The following TENM3 variants were observed in gnomAD, a reference collection of about 807,000 sequenced individuals.
TENM3 encodes the protein teneurin transmembrane protein 3.
Under a neutral mutation model 255.1 loss-of-function variants are expected in TENM3, and 63 were observed. The ratio of observed to expected loss-of-function variants is 0.25; its 90% CI spans 0.20 to 0.30. The LOEUF (loss-of-function observed/expected upper bound fraction) is 0.30, where lower values mean the gene tolerates loss of function less well. TENM3 is among the 10% of genes least tolerant of loss of function. The pLI is 1.00. For synonymous variants in TENM3, 1,306 were observed against 1,322.3 expected (o/e 0.99, Z 0.27); for missense variants, 2,929 against 3,461.1 (o/e 0.85, Z 3.86).
chr4:181,581,390 G>A, the TENM3 span, among the ~76,000 whole-genome samples: 1 of 152,182 alleles, frequency 6.6e-6, no homozygotes. Flanking sequence ...GCAGTGAGCC[G>A]AGATAGTGCC....
chr4:182,444,811 C>G (rs748327960), intron 3 of TENM3, among the ~76,000 whole-genome samples: 45 of 151,982 alleles, frequency 3.0e-4, no homozygotes, highest in African/African-American at 1.0e-3. Context: ...TTTTTTGTTG[C>G]GATGGAGTTT....
chr4:181,801,677 T>TATATATAC, the TENM3 span, among the ~76,000 whole-genome samples: 1 of 73,328 alleles, frequency 1.4e-5, no homozygotes, highest in Non-Finnish European at 3.5e-5. Context: ...TATATATATA[T>TATATATAC]ATATATATAT....
intron 17 of TENM3, 136 bp from the exon 18 acceptor site, chr4:182,738,265 A>G (rs561675159): frequency 1.4e-6 from 1 of 693,366 alleles, no homozygotes; most frequent in African/African-American, 1.8e-5. Context: ...TAAATTAAAA[A>G]ATAAACTGCT....
At chr4:182,088,109 T>A in the TENM3 span, among the ~76,000 whole-genome samples, 4 of 152,224 alleles carry the variant, frequency 2.6e-5, no homozygotes, top group Non-Finnish European at 5.9e-5. Context: ...TTTATACATA[T>A]ACACACACGT....
At chr4:182,101,185 AG>A in the TENM3 span, among the ~76,000 whole-genome samples, 16 of 18,734 alleles carry the variant, frequency 8.5e-4, 4 homozygotes, top group African/African-American at 2.2e-3. Context: ...GAAGGAAAGA[AG>A]GGAGGGAGGA....
At chr4:182,385,501 G>T (rs2150946913) in intron 3 of TENM3, among the ~76,000 whole-genome samples, 1 of 152,250 alleles carries the variant, frequency 6.6e-6, no homozygotes, top group African/African-American at 2.4e-5. Flanking sequence ...CTAACCTCAG[G>T]TGATCCACCT....
intron 22 of TENM3, among the ~76,000 whole-genome samples, chr4:182,769,312 A>G (rs779630206): frequency 2.3e-4 from 34 of 149,490 alleles, no homozygotes; most frequent in Non-Finnish European, 4.9e-4. Flanking sequence ...ATTTTCTTTC[A>G]CTCCCTTAGT....
chr4:182,206,805 G>T (rs2149861471), intron 1 of TENM3, among the ~76,000 whole-genome samples: 1 of 152,224 alleles, frequency 6.6e-6, no homozygotes, highest in African/African-American at 2.4e-5. Context: ...GTATTCATCT[G>T]GGGGACTTCA....
chr4:182,539,371 G>A (rs6812576), intron 3 of TENM3, among the ~76,000 whole-genome samples: 26,709 of 151,918 alleles, frequency 0.18, 3,411 homozygotes, highest in African/African-American at 0.35. Flanking sequence ...GACTTCTCCG[G>A]AGGGATGGGA....
chr4:181,949,426 G>T, the TENM3 span, among the ~76,000 whole-genome samples: 30 of 152,060 alleles, frequency 2.0e-4, no homozygotes, highest in Non-Finnish European at 1.5e-4. Context: ...AAAACCTAGG[G>T]TCATCCTTGT....
chr4:182,575,658 T>C (rs1307335278), intron 3 of TENM3, among the ~76,000 whole-genome samples: 1 of 152,212 alleles, frequency 6.6e-6, no homozygotes, highest in South Asian at 2.1e-4. Context: ...CTTGTATATT[T>C]ATACATAAAG....
the TENM3 span, among the ~76,000 whole-genome samples, chr4:181,747,056 G>A: frequency 6.6e-6 from 1 of 152,020 alleles, no homozygotes; most frequent in Non-Finnish European, 1.5e-5. Context: ...TCAAGGGCAA[G>A]TGCGTTTAAA....
At chr4:182,357,180 G>C (rs371894448) in intron 3 of TENM3, among the ~76,000 whole-genome samples, 2 of 151,882 alleles carry the variant, frequency 1.3e-5, no homozygotes, top group African/African-American at 4.8e-5. Context: ...ATAAACATAC[G>C]TGTGCATGTG....
the TENM3 span, among the ~76,000 whole-genome samples, chr4:181,620,159 G>A: frequency 6.6e-6 from 1 of 152,054 alleles, no homozygotes; most frequent in African/African-American, 2.4e-5. Context: ...TACTCGGGAG[G>A]CTGAGGTGGG....
At chr4:182,168,161 G>T (rs1174190712) in intron 1 of TENM3, among the ~76,000 whole-genome samples, 2 of 151,094 alleles carry the variant, frequency 1.3e-5, no homozygotes, top group Non-Finnish European at 2.9e-5. Flanking sequence ...TCGAGACAGG[G>T]TCTCACTGCA....
At chr4:181,893,509 C>T in the TENM3 span, among the ~76,000 whole-genome samples, 3 of 113,832 alleles carry the variant, frequency 2.6e-5, no homozygotes, top group African/African-American at 3.4e-5. Context: ...CCCACCCCCA[C>T]CATTCCTCTT....
At chr4:181,799,417 G>A in the TENM3 span, among the ~76,000 whole-genome samples, 4 of 152,164 alleles carry the variant, frequency 2.6e-5, no homozygotes, top group African/African-American at 7.2e-5. Flanking sequence ...TTCCACAAAC[G>A]TATCTATAAT....
chr4:181,511,515 T>G, the TENM3 span, among the ~76,000 whole-genome samples: 1 of 152,136 alleles, frequency 6.6e-6, no homozygotes, highest in Admixed American at 6.5e-5. Flanking sequence ...AGACATTTGT[T>G]TGGGTTCACA....
At chr4:181,878,924 C>A in the TENM3 span, among the ~76,000 whole-genome samples, 2 of 152,048 alleles carry the variant, frequency 1.3e-5, no homozygotes, top group Non-Finnish European at 1.5e-5. Flanking sequence ...GGTCTATGAC[C>A]TAATCAGTGT....
Sources: allele counts gnomAD v4.1 joint callset (sites outside exome capture counted in the v4.1 genomes callset), GRCh38; gene constraint gnomAD v4.1.1; transcripts MANE v1.5; gene names NCBI Gene and HGNC (gene_info 2026-07-23, HGNC 2026-07-21).